The following GALNT7 variants were observed in gnomAD, a reference collection of about 807,000 sequenced individuals.
The protein encoded by GALNT7 is polypeptide N-acetylgalactosaminyltransferase 7.
GALNT7 carries 60 observed loss-of-function variants against 82.1 expected under a neutral mutation model. The ratio of observed to expected loss-of-function variants is 0.73; its 90% CI spans 0.59 to 0.91. The LOEUF (loss-of-function observed/expected upper bound fraction) is 0.91. Ranked by LOEUF, GALNT7 falls within the 40% of genes least tolerant of loss-of-function variation. The probability of loss-of-function intolerance (pLI) is 0.00; values close to 1 mark genes in which losing one functional copy is unlikely to be tolerated. For synonymous variants in GALNT7, 243 were observed against 275.1 expected (o/e 0.88, Z 1.15); for missense variants, 660 against 804.2 (o/e 0.82, Z 2.17).
At chr4:173,266,847 C>T (rs986869448) in intron 2 of GALNT7, among the ~76,000 whole-genome samples, 115 of 138,518 alleles carry the variant, frequency 8.3e-4, no homozygotes, top group African/African-American at 3.1e-3. Context: ...AGTATAATGA[C>T]GGCTACCTGA....
In GALNT7 at chr4:173,248,235, C is replaced by T. The variant is rs201525232; in HGVS notation, c.382C>T (p.Arg128Cys). ...ATTCACCTACCATGATCCTGTGCTT[C>T]GCCCAGGGATCCTCGGTAACTTTGA... ...QTFTYHDPVLRPGILGNFEPK... is the reference protein window; with the variant it reads ...QTFTYHDPVLCPGILGNFEPK... The change falls in exon 2 of 12, where the codon CGC becomes TGC. Residue 128 changes from arginine (R) to cysteine (C), a missense_variant. Around this residue, in one of 2 missense-constraint regions of GALNT7, gnomAD observed 527 missense variants for 683.5 expected, o/e 0.77. Transcript: ENST00000265000. 162 of 1,613,748 alleles carry T rather than the reference C, an allele frequency of 1.0e-4. No individual in the cohort carries two copies. The highest frequency in any genetic ancestry group is 8.6e-5 in the Non-Finnish European group (101 of 1,179,804).
chr4:173,226,402 G>A (rs1733828991), intron 1 of GALNT7, among the ~76,000 whole-genome samples: 1 of 151,864 alleles, frequency 6.6e-6, no homozygotes, highest in Non-Finnish European at 1.5e-5. Context: ...TAAACATCAG[G>A]CGTTTAGCAT....
At chr4:173,243,846 C>T (rs368346474) in intron 1 of GALNT7, among the ~76,000 whole-genome samples, 18 of 152,114 alleles carry the variant, frequency 1.2e-4, no homozygotes, top group African/African-American at 4.3e-4. Context: ...CTGATTTAAG[C>T]CCTGCTCTCC....
chr4:173,308,031 G>A (rs1737224764), intron 8 of GALNT7, among the ~76,000 whole-genome samples: 1 of 152,212 alleles, frequency 6.6e-6, no homozygotes, highest in South Asian at 2.1e-4. Context: ...GATACCAATA[G>A]CATCTGCCTT....
chr4:173,286,962 C>T (rs748103878), intron 2 of GALNT7, among the ~76,000 whole-genome samples: 2 of 152,174 alleles, frequency 1.3e-5, no homozygotes, highest in Non-Finnish European at 2.9e-5. Context: ...AAGAGAGCCT[C>T]AGTGCCTCCC....
In GALNT7 at chr4:173,292,054, G is replaced by T; in HGVS notation, c.588-54G>T. On this transcript the variant is annotated intron_variant, in intron 2 of 11. Coordinates refer to ENST00000265000, the MANE Select transcript of GALNT7 (RefSeq NM_017423.3). This position sits in a 1 kb window ranked among gnomAD's most constrained non-coding sequence, Gnocchi z 4.8. ...AATCAGCAAATATAGTCAGCTTGGA[G>T]CCAAGCAGTATAGATTACCTGTAAA... is the stretch of plus-strand genomic sequence containing the variant. 8.3e-7 allele frequency: 1 copy of T among 1,204,902 alleles called. No individual in the cohort carries two copies. The highest frequency in any genetic ancestry group is 1.2e-6 in the Non-Finnish European group (1 of 827,394). 74.6% of individuals were successfully genotyped at this position (1,204,902 alleles called of 1,614,324 possible). A position where few individuals can be genotyped will look rare whatever the true frequency, so the allele number is the denominator to read the frequency against.
chr4:173,194,885 T>C (rs962944976), intron 1 of GALNT7, among the ~76,000 whole-genome samples: 8 of 152,138 alleles, frequency 5.3e-5, no homozygotes, highest in African/African-American at 1.7e-4. Flanking sequence ...TCAGACTGAA[T>C]CCTGAAAATG....
At chr4:173,287,723 G>T (rs549478074) in intron 2 of GALNT7, among the ~76,000 whole-genome samples, 6 of 152,310 alleles carry the variant, frequency 3.9e-5, no homozygotes, top group Admixed American at 3.3e-4. Context: ...ATCTGCTTAT[G>T]GCCTTGGCCC....
intron 2 of GALNT7, among the ~76,000 whole-genome samples, chr4:173,277,731 A>T (rs933336666): frequency 6.6e-6 from 1 of 152,256 alleles, no homozygotes; most frequent in African/African-American, 2.4e-5. Flanking sequence ...GAGTAAAATA[A>T]TGAAAAAGCA....
intron 1 of GALNT7, among the ~76,000 whole-genome samples, chr4:173,202,773 A>G (rs769934431): frequency 1.8e-4 from 28 of 152,166 alleles, no homozygotes; most frequent in Non-Finnish European, 3.7e-4. Context: ...GATACATACT[A>G]TCATTGTCCC....
intron 2 of GALNT7, among the ~76,000 whole-genome samples, chr4:173,264,915 T>C (rs1168752997): frequency 6.6e-6 from 1 of 152,212 alleles, no homozygotes; most frequent in Non-Finnish European, 1.5e-5. Context: ...CACTGCCAGG[T>C]GCGACAGCTC....
chr4:173,205,580 G>A (rs1007577222), intron 1 of GALNT7, among the ~76,000 whole-genome samples: 8 of 152,138 alleles, frequency 5.3e-5, no homozygotes, highest in African/African-American at 1.7e-4. Context: ...GGGAAATCTT[G>A]AAGCCTATGT....
At chr4:173,315,092 G>A (rs576645499) in intron 9 of GALNT7, among the ~76,000 whole-genome samples, 2 of 152,222 alleles carry the variant, frequency 1.3e-5, no homozygotes, top group African/African-American at 4.8e-5. Flanking sequence ...GCAGGGTAAG[G>A]AAAGCCTCTC....
At chr4:173,306,847 C>T (rs961991345) in intron 8 of GALNT7, among the ~76,000 whole-genome samples, 6 of 152,194 alleles carry the variant, frequency 3.9e-5, no homozygotes, top group Non-Finnish European at 5.9e-5. Flanking sequence ...ATTATGTCCT[C>T]TTCATTTTTC....
At chr4:173,259,014 T>C (rs1269008718) in intron 2 of GALNT7, among the ~76,000 whole-genome samples, 1 of 152,232 alleles carries the variant, frequency 6.6e-6, no homozygotes, top group Non-Finnish European at 1.5e-5. Context: ...TAGCAGCATC[T>C]GTGGCATCTA....
chr4:173,238,919 C>T (rs537798789), intron 1 of GALNT7, among the ~76,000 whole-genome samples: 1 of 152,096 alleles, frequency 6.6e-6, no homozygotes, highest in African/African-American at 2.4e-5. Context: ...AAACAATAAT[C>T]AATTTGTTGT....
chr4:173,222,636 T>C (rs368969726), intron 1 of GALNT7, among the ~76,000 whole-genome samples: 14 of 152,348 alleles, frequency 9.2e-5, no homozygotes, highest in East Asian at 7.7e-4. Context: ...AGTGTTCTCC[T>C]ACACATGATC....
chr4:173,264,008 T>C (rs529869096), intron 2 of GALNT7, among the ~76,000 whole-genome samples: 1 of 152,284 alleles, frequency 6.6e-6, no homozygotes, highest in East Asian at 1.9e-4. Flanking sequence ...CTTTAGCAAG[T>C]TACTTTTATC....
At chr4:173,217,071 C>T (rs184734672) in intron 1 of GALNT7, among the ~76,000 whole-genome samples, 8 of 152,010 alleles carry the variant, frequency 5.3e-5, no homozygotes, top group East Asian at 1.9e-4. Context: ...ATTTGATCTG[C>T]GGAAAATCTG....
Sources: allele counts gnomAD v4.1 joint callset (sites outside exome capture counted in the v4.1 genomes callset), GRCh38; gene constraint gnomAD v4.1.1; regional missense constraint gnomAD v4.1.1; non-coding constraint Gnocchi (gnomAD v3.1); transcripts MANE v1.5; gene names NCBI Gene and HGNC (gene_info 2026-07-23, HGNC 2026-07-21).